BCKDHB: variants seen among roughly 807,000 people sequenced by gnomAD.
The protein encoded by BCKDHB is branched chain keto acid dehydrogenase E1 subunit beta, also known as 2-oxoisovalerate dehydrogenase subunit beta, mitochondrial.
A neutral mutation model predicts 48.5 loss-of-function variants in BCKDHB; 41 were observed. The ratio of observed to expected loss-of-function variants is 0.85; its 90% CI spans 0.66 to 1.10. BCKDHB has a LOEUF of 1.10. BCKDHB is among the 50% of genes least tolerant of loss of function. BCKDHB has a pLI of 0.00. For synonymous variants in BCKDHB, 201 were observed against 174.8 expected, an observed-to-expected ratio of 1.15 and a Z score of -1.18; for missense variants, 496 against 494.2, an observed-to-expected ratio of 1.00 and a Z score of -0.03.
rs529812944 is a variant in BCKDHB, at chr6:80,134,283, A to G, written c.343+5054A>G. On this transcript the variant is annotated intron_variant, in intron 3 of 9. Coordinates refer to ENST00000320393, the MANE Select transcript of BCKDHB (RefSeq NM_183050.4). The stretch of plus-strand genomic sequence containing the variant: ...TTGATGTTTTTCCATTACTGTATCC[A>G]TTCCTTTACACCACAGGTGTGGCCT... Among the ~76,000 whole-genome samples, 5 of 152,308 alleles carry G rather than the reference A, an allele frequency of 3.3e-5. No homozygotes were observed. The East Asian group carries it at 9.6e-4, about 29-fold the overall frequency.
chr6:80,415,096 G>T, the BCKDHB span, among the ~76,000 whole-genome samples: 2 of 152,014 alleles, frequency 1.3e-5, no homozygotes, highest in African/African-American at 4.8e-5. Context: ...AAATGTTAGT[G>T]ACTTTTGCAC....
chr6:80,276,761 C>T (rs1159352228), intron 9 of BCKDHB, among the ~76,000 whole-genome samples: 5 of 151,562 alleles, frequency 3.3e-5, no homozygotes, highest in Non-Finnish European at 5.9e-5. Flanking sequence ...ATGGTAAACT[C>T]ACAGAAGTGA....
chr6:80,192,502 A>G (rs1299136718), intron 6 of BCKDHB, among the ~76,000 whole-genome samples: 1 of 152,206 alleles, frequency 6.6e-6, no homozygotes, highest in Non-Finnish European at 1.5e-5. Flanking sequence ...AAGACAAACA[A>G]TTGCCAGTAA....
chr6:80,345,204 A>T lies in BCKDHB; in HGVS notation c.*1400A>T, dbSNP rs957074208. The T allele has an allele frequency of 1.3e-5, 2 of 152,236 alleles. No individual in the cohort carries two copies. Among genetic ancestry groups the T allele is most frequent in the African/African-American group, 4.8e-5 (2 of 41,458 alleles). 9.4% of individuals were successfully genotyped at this position (152,236 alleles called of 1,614,324 possible). A position where few individuals can be genotyped will look rare whatever the true frequency, so the allele number is the denominator to read the frequency against. On this transcript the variant is annotated 3_prime_UTR_variant, in exon 10 of 10. Coordinates refer to ENST00000320393, the MANE Select transcript of BCKDHB (RefSeq NM_183050.4). ...TCAGAGTTTTAATATAGAAGTTACT[A>T]GCACTGACACACTGATTTTGAAATG...
the BCKDHB span, among the ~76,000 whole-genome samples, chr6:80,464,724 G>A: frequency 0.081 from 12,276 of 152,166 alleles, 1,555 homozygotes; most frequent in African/African-American, 0.28. Context: ...TCATTATACT[G>A]CTCTTCCACA....
At chr6:80,281,862 G>A (rs1269082326) in intron 9 of BCKDHB, among the ~76,000 whole-genome samples, 13 of 146,352 alleles carry the variant, frequency 8.9e-5, no homozygotes, top group Admixed American at 1.4e-4. Flanking sequence ...AATGAACTTA[G>A]AAAAAAAAAA....
chr6:80,396,438 G>C, the BCKDHB span, among the ~76,000 whole-genome samples: 1 of 152,214 alleles, frequency 6.6e-6, no homozygotes, highest in African/African-American at 2.4e-5. Context: ...CTTTGGACTT[G>C]GACTTTTGGG....
At chr6:80,281,169 A>G (rs1778179744) in intron 9 of BCKDHB, among the ~76,000 whole-genome samples, 2 of 152,098 alleles carry the variant, frequency 1.3e-5, no homozygotes, top group South Asian at 2.1e-4. Context: ...TTATACTGAT[A>G]TACTGGTGGC....
chr6:80,171,904 A>G lies in BCKDHB; in HGVS notation c.742+514A>G, dbSNP rs557870542. On this transcript the variant is annotated intron_variant, in intron 6 of 9. Transcript: ENST00000320393. The stretch of plus-strand genomic sequence containing the variant: ...AGCTCAAAATCCTGATTTTATAAAC[A>G]TACATCTGTGACTGCTAATTTCTTC... Among the ~76,000 whole-genome samples the G allele has an allele frequency of 2.0e-5, 3 of 152,188 alleles. No individual in the cohort carries two copies. In the East Asian group the frequency reaches 5.8e-4, roughly 29 times the overall value.
At chr6:80,145,538 AGATAT>A (rs897389007) in intron 3 of BCKDHB, among the ~76,000 whole-genome samples, 1 of 152,200 alleles carries the variant, frequency 6.6e-6, no homozygotes, top group African/African-American at 2.4e-5. Context: ...CTGCTCTTAT[AGATAT>A]TTTGGAGCTT....
chr6:80,428,713 G>T, the BCKDHB span, among the ~76,000 whole-genome samples: 1 of 151,926 alleles, frequency 6.6e-6, no homozygotes, highest in Admixed American at 6.6e-5. Context: ...TTTTTGATGG[G>T]GTTGTTTGTT....
chr6:80,182,627 C>T (rs1402443982), intron 6 of BCKDHB, among the ~76,000 whole-genome samples: 2 of 152,114 alleles, frequency 1.3e-5, no homozygotes, highest in Admixed American at 1.3e-4. Flanking sequence ...AACTCCTTTC[C>T]TTAAGCCTTT....
chr6:80,322,233 CTTTT>C (rs1293835984), intron 9 of BCKDHB, among the ~76,000 whole-genome samples: 12 of 100,242 alleles, frequency 1.2e-4, no homozygotes, highest in East Asian at 9.5e-4. Context: ...TTCTTTCTTT[CTTTT>C]CTTTTTTTTT....
At position 80,155,145 on chromosome 6, in the gene BCKDHB, A is replaced by G. The variant is rs566340765; in HGVS notation, c.344-12533A>G. Among the ~76,000 whole-genome samples the G allele has an allele frequency of 7.2e-5, 11 of 152,198 alleles. No homozygotes were observed. The East Asian group carries it at 1.2e-3, about 16-fold the overall frequency. On this transcript the variant is annotated intron_variant, in intron 3 of 9. Transcript: ENST00000320393. ...GATCATTTTTATTCCTGTTTTCTTA[A>G]CATGCTTTTTATTTTATTTCATTGT...
At chr6:80,330,264 G>A (rs1769257735) in intron 9 of BCKDHB, among the ~76,000 whole-genome samples, 1 of 152,164 alleles carries the variant, frequency 6.6e-6, no homozygotes, top group Admixed American at 6.5e-5. Flanking sequence ...GTGGCATCTA[G>A]TGGATGAGTT....
intron 9 of BCKDHB, among the ~76,000 whole-genome samples, chr6:80,339,254 G>A (rs920914492): frequency 2.0e-5 from 3 of 152,028 alleles, no homozygotes; most frequent in African/African-American, 4.8e-5. Flanking sequence ...ATAAATTGAC[G>A]TACTCTTAAT....
chr6:80,245,885 G>T (rs933935375), intron 8 of BCKDHB, among the ~76,000 whole-genome samples: 1 of 152,110 alleles, frequency 6.6e-6, no homozygotes, highest in African/African-American at 2.4e-5. Flanking sequence ...AGACCAGCCT[G>T]GGCAATATGA....
intron 1 of BCKDHB, among the ~76,000 whole-genome samples, chr6:80,109,271 G>C (rs986749897): frequency 6.6e-6 from 1 of 152,158 alleles, no homozygotes; most frequent in Non-Finnish European, 1.5e-5. Context: ...ATAAAACAAT[G>C]TCTATAATAT....
the BCKDHB span, among the ~76,000 whole-genome samples, chr6:80,438,043 G>A: frequency 1.3e-5 from 2 of 152,164 alleles, no homozygotes; most frequent in African/African-American, 4.8e-5. Flanking sequence ...TAGAAAGGAT[G>A]AAACTCTTTA....
Sources: gnomAD v4.1 joint callset for allele counts (sites outside exome capture counted in the v4.1 genomes callset) on GRCh38, gnomAD v4.1.1 for gene constraint, MANE v1.5 for transcripts, NCBI Gene and HGNC (gene_info 2026-07-23, HGNC 2026-07-21) for gene names.